PARD3: variants seen among roughly 807,000 people sequenced by gnomAD.
PARD3 encodes partitioning defective 3 homolog.
PARD3 carries 75 observed loss-of-function variants against 155.4 expected under a neutral mutation model. That is an observed-to-expected ratio of 0.48 (90% CI 0.40 to 0.58). The LOEUF is 0.58. Among genes scored for constraint, PARD3 ranks in the 20% least tolerant of loss-of-function variants. The pLI, the probability that PARD3 is intolerant of heterozygous loss-of-function variation, is 0.00. For synonymous variants in PARD3, 576 were observed against 610.5 expected (o/e 0.94, Z 0.83); for missense variants, 1,642 against 1,721.7 (o/e 0.95, Z 0.82).
chr10:34,545,708 C>T (rs966960399), intron 2 of PARD3, among the ~76,000 whole-genome samples: 4 of 152,254 alleles, frequency 2.6e-5, no homozygotes, highest in Admixed American at 6.5e-5. Context: ...GTACCTGCCA[C>T]GACGCCCGGC....
intron 22 of PARD3, among the ~76,000 whole-genome samples, chr10:34,137,711 T>C (rs1123652): frequency 0.49 from 74,122 of 151,990 alleles, 19,537 homozygotes; most frequent in Non-Finnish European, 0.6. Context: ...AACAAGAACA[T>C]GCCCACAGTC....
chr10:34,756,869 C>A (rs921626644), intron 1 of PARD3, among the ~76,000 whole-genome samples: 46 of 152,208 alleles, frequency 3.0e-4, no homozygotes, highest in Non-Finnish European at 4.9e-4. Flanking sequence ...ACACTGCTAA[C>A]AGATTTTTCA....
Position 34,807,678 on chromosome 10 carries a change from TTG to T in PARD3, c.120+7196_120+7197del, listed in dbSNP as rs34980975. Among the ~76,000 whole-genome samples the T allele has an allele frequency of 1.0e-3, 134 of 129,098 alleles. No individual in the cohort carries two copies. The South Asian group carries it at 0.012, about 12-fold the overall frequency. 84.7% of individuals were successfully genotyped at this position (129,098 alleles called of 152,430 possible). ...ACACATTTTCATTTCTCTTGTGTGCTTGTGTGTGTGTGTATATATATAAAGAG... is the reference window on the plus strand; with the variant it reads ...ACACATTTTCATTTCTCTTGTGTGCTTGTGTGTGTGTATATATATAAAGAG... On this transcript the variant is annotated intron_variant, in intron 1 of 24. Transcript: ENST00000374788.
intron 1 of PARD3, among the ~76,000 whole-genome samples, chr10:34,761,126 A>G (rs763965604): frequency 2.0e-5 from 3 of 151,990 alleles, no homozygotes; most frequent in Non-Finnish European, 4.4e-5. Flanking sequence ...AAAAAACAAA[A>G]GGGGTCAGGC....
chr10:34,132,075 C>T (rs984636355), intron 22 of PARD3, among the ~76,000 whole-genome samples: 1 of 152,102 alleles, frequency 6.6e-6, no homozygotes, highest in South Asian at 2.1e-4. Flanking sequence ...TGAAATATAG[C>T]TGCACAAATG....
intron 3 of PARD3, among the ~76,000 whole-genome samples, chr10:34,483,655 T>C (rs894587320): frequency 9.2e-5 from 14 of 152,160 alleles, no homozygotes; most frequent in Non-Finnish European, 1.6e-4. Flanking sequence ...CACAAGGGGA[T>C]AGAACGTATC....
chr10:34,747,024 A>G (rs956295522), intron 1 of PARD3, among the ~76,000 whole-genome samples: 1 of 152,266 alleles, frequency 6.6e-6, no homozygotes, highest in East Asian at 1.9e-4. Context: ...TCCTGCTCTC[A>G]TATGTGGTTT....
At chr10:34,718,008 G>C (rs2094546008) in intron 1 of PARD3, among the ~76,000 whole-genome samples, 1 of 152,032 alleles carries the variant, frequency 6.6e-6, no homozygotes, top group African/African-American at 2.4e-5. Context: ...CAAAAAATTA[G>C]TTGGGCATGG....
At chr10:34,518,561 A>G (rs911225940) in intron 2 of PARD3, among the ~76,000 whole-genome samples, 5 of 152,244 alleles carry the variant, frequency 3.3e-5, no homozygotes, top group African/African-American at 4.8e-5. Flanking sequence ...CTTACAAACT[A>G]AAGAAATCAT....
chr10:34,278,592 G>C (rs1031145430), intron 21 of PARD3, among the ~76,000 whole-genome samples: 1 of 151,966 alleles, frequency 6.6e-6, no homozygotes, highest in Non-Finnish European at 1.5e-5. Context: ...AAAATCTGAT[G>C]GTTTTATAAG....
At chr10:34,140,482 GA>G in intron 22 of PARD3, among the ~76,000 whole-genome samples, 1 of 152,268 alleles carries the variant, frequency 6.6e-6, no homozygotes, top group Admixed American at 6.5e-5. Context: ...AGAGAGAAGG[GA>G]AAGAACAGAC....
At chr10:34,593,065 G>T (rs1435374146) in intron 2 of PARD3, among the ~76,000 whole-genome samples, 1 of 152,180 alleles carries the variant, frequency 6.6e-6, no homozygotes, top group Admixed American at 6.6e-5. Flanking sequence ...AAAGGAAGAG[G>T]GTAGTGAGAA....
intron 2 of PARD3, among the ~76,000 whole-genome samples, chr10:34,582,391 G>A (rs2087571542): frequency 6.6e-6 from 1 of 152,316 alleles, no homozygotes; most frequent in Non-Finnish European, 1.5e-5. Flanking sequence ...GAGATAATGT[G>A]AAAATTAAAG....
chr10:34,311,438 T>A (rs1333094011), intron 20 of PARD3, among the ~76,000 whole-genome samples: 2 of 152,162 alleles, frequency 1.3e-5, no homozygotes, highest in African/African-American at 4.8e-5. Flanking sequence ...ATACAGTCTC[T>A]GTCTCAAATC....
chr10:34,389,926 A>T (rs1175972210), intron 7 of PARD3, among the ~76,000 whole-genome samples: 1 of 152,216 alleles, frequency 6.6e-6, no homozygotes, highest in Non-Finnish European at 1.5e-5. Flanking sequence ...GAAATCACAG[A>T]TGTCATATTG....
intron 4 of PARD3, among the ~76,000 whole-genome samples, chr10:34,466,535 T>C (rs548224886): frequency 6.6e-6 from 1 of 152,288 alleles, no homozygotes; most frequent in African/African-American, 2.4e-5. Context: ...CTTAACTATG[T>C]AGATGAGTTA....
At chr10:34,255,272 T>C (rs1048459712) in intron 22 of PARD3, among the ~76,000 whole-genome samples, 1 of 152,160 alleles carries the variant, frequency 6.6e-6, no homozygotes, top group Non-Finnish European at 1.5e-5. Flanking sequence ...ATCCACGCTA[T>C]AGTTTTATAG....
At chr10:34,381,764 A>G (rs907185806) in intron 9 of PARD3, among the ~76,000 whole-genome samples, 4 of 151,786 alleles carry the variant, frequency 2.6e-5, no homozygotes, top group African/African-American at 9.7e-5. Flanking sequence ...AGACTCCAAC[A>G]CAACAAAAAA....
chr10:34,320,972 T>C (rs1958336052), intron 19 of PARD3, among the ~76,000 whole-genome samples: 1 of 152,232 alleles, frequency 6.6e-6, no homozygotes, highest in African/African-American at 2.4e-5. Flanking sequence ...GATGTTCTTT[T>C]AAAGTACTGA....
Sources: gnomAD v4.1 joint callset for allele counts (sites outside exome capture counted in the v4.1 genomes callset) on GRCh38, gnomAD v4.1.1 for gene constraint, MANE v1.5 for transcripts, NCBI Gene and HGNC (gene_info 2026-07-23, HGNC 2026-07-21) for gene names.